SLC26A3: variants seen among roughly 807,000 people sequenced by gnomAD.
The protein encoded by SLC26A3 is chloride anion exchanger.
A neutral mutation model predicts 85.6 loss-of-function variants in SLC26A3; 64 were observed. The observed-to-expected ratio is 0.75, with a 90% CI of 0.61 to 0.92. SLC26A3 has a LOEUF of 0.92. SLC26A3 is among the 40% of genes least tolerant of loss of function. The pLI, the probability that SLC26A3 is intolerant of heterozygous loss-of-function variation, is 0.00. For missense variants in SLC26A3, 922 were observed against 927.3 expected, an observed-to-expected ratio of 0.99 and a Z score of 0.07; for synonymous variants, 349 against 336.0, an observed-to-expected ratio of 1.04 and a Z score of -0.42.
chr7:107,796,552 A>G (rs1377229165), intron 1 of SLC26A3, among the ~76,000 whole-genome samples: 1 of 152,138 alleles, frequency 6.6e-6, no homozygotes, highest in Non-Finnish European at 1.5e-5. Context: ...AGTACTTCCC[A>G]TTGTCAGAAG....
In SLC26A3 at chr7:107,765,707, C is replaced by A; in HGVS notation, c.*148G>T. ...TCATACTAGATATGTGAAAAATATG[C>A]CATGCTAGAACCATCTTGTTCCAAA... On this transcript the variant is annotated 3_prime_UTR_variant, in exon 21 of 21. Coordinates refer to ENST00000340010, the MANE Select transcript of SLC26A3 (RefSeq NM_000111.3). The A allele has an allele frequency of 1.8e-6, 1 of 562,436 alleles. No homozygotes were observed. Among genetic ancestry groups the A allele is most frequent in the Non-Finnish European group, 3.2e-6 (1 of 313,390 alleles). 34.8% of individuals were successfully genotyped at this position (562,436 alleles called of 1,614,324 possible). A position where few individuals can be genotyped will look rare whatever the true frequency, so the allele number is the denominator to read the frequency against.
At position 107,791,043 on chromosome 7, in the gene SLC26A3, C is replaced by G. The variant is rs1463373451; in HGVS notation, c.570+5G>C. ...GGTGGGCAAGTTACATGAGAAGGTG[C>G]TCACCTGGATGATTCCAGAAAGCAC... On this transcript the variant is annotated splice_donor_5th_base_variant and intron_variant, in intron 5 of 20. Coordinates refer to ENST00000340010, the MANE Select transcript of SLC26A3 (RefSeq NM_000111.3). 1 of 1,613,266 alleles carries G rather than the reference C, an allele frequency of 6.2e-7. No individual in the cohort carries two copies.
intron 18 of SLC26A3, 143 bp from the exon 19 acceptor site, chr7:107,768,051 A>G (rs1793945436): frequency 2.8e-6 from 2 of 720,490 alleles, no homozygotes; most frequent in Non-Finnish European, 2.4e-6. Context: ...GCAGTGGTAT[A>G]ATACCAGTCT....
intron 1 of SLC26A3, among the ~76,000 whole-genome samples, chr7:107,802,070 C>A (rs576305584): frequency 7.3e-6 from 1 of 137,728 alleles, no homozygotes. Flanking sequence ...CCAGCCTGGG[C>A]GACAGAGTGA....
At chr7:107,766,190 A>G (rs1055301243) in intron 20 of SLC26A3, among the ~76,000 whole-genome samples, 24 of 152,276 alleles carry the variant, frequency 1.6e-4, no homozygotes, top group African/African-American at 4.8e-4. Context: ...CTGGTGGCCT[A>G]TCCACAGCTG....
chr7:107,791,732 C>T (rs528039102), intron 4 of SLC26A3, 98 bp downstream of exon 4: 32 of 832,102 alleles, frequency 3.8e-5, no homozygotes, highest in African/African-American at 3.7e-4. Flanking sequence ...GACTCTTCTC[C>T]TGGATTATGT....
chr7:107,787,639 A>G, intron 6 of SLC26A3, 130 bp from the exon 7 acceptor site: 2 of 764,074 alleles, frequency 2.6e-6, no homozygotes, highest in Non-Finnish European at 4.3e-6. Context: ...GATTTCCTGT[A>G]TTGCCCCGGT....
chr7:107,778,359 A>AATTTTTTTT, intron 12 of SLC26A3, 78 bp from the exon 13 acceptor site: 5 of 453,056 alleles, frequency 1.1e-5, no homozygotes, highest in Non-Finnish European at 1.8e-5. Flanking sequence ...TTTTAAAAAG[A>AATTTTTTTT]CTTTTTTTTT....
At chr7:107,783,411 C>T (rs1241360719) in intron 8 of SLC26A3, 59 bp from the exon 9 acceptor site, 14 of 1,588,688 alleles carry the variant, frequency 8.8e-6, no homozygotes, top group African/African-American at 1.3e-5. Flanking sequence ...CTGATATAAC[C>T]ATTGGGCAAA....
chr7:107,776,600 AT>A, intron 14 of SLC26A3, 36 bp downstream of exon 14: 1 of 1,606,930 alleles, frequency 6.2e-7, no homozygotes, highest in Non-Finnish European at 8.5e-7. Context: ...AGTTAATATC[AT>A]TTAGCAAGTC....
chr7:107,773,247 A>AT (rs1289328319), intron 17 of SLC26A3, among the ~76,000 whole-genome samples: 1 of 152,060 alleles, frequency 6.6e-6, no homozygotes, highest in Non-Finnish European at 1.5e-5. Flanking sequence ...CCACTCTTAC[A>AT]TTTTTTCCCA....
chr7:107,787,020 C>G (rs771487614), intron 7 of SLC26A3, 111 bp from the exon 8 acceptor site: 2 of 911,314 alleles, frequency 2.2e-6, no homozygotes, highest in Non-Finnish European at 3.6e-6. Context: ...AGTAAGAACT[C>G]CAGCCCAGGC....
At chr7:107,796,441 C>T (rs759422603) in intron 1 of SLC26A3, among the ~76,000 whole-genome samples, 9 of 152,134 alleles carry the variant, frequency 5.9e-5, no homozygotes, top group Non-Finnish European at 1.3e-4. Context: ...TTCTGGGCCT[C>T]TCCTCCCCTG....
rs10271565 is a variant in SLC26A3, at chr7:107,790,968, G to C, written c.570+80C>G. 3 of 1,434,794 alleles carry C rather than the reference G, an allele frequency of 2.1e-6. No homozygotes were observed. In the African/African-American group the frequency reaches 4.2e-5, roughly 20 times the overall value. 88.9% of individuals were successfully genotyped at this position (1,434,794 alleles called of 1,614,324 possible). ...AAAGGGAAGATGGGGAGGAGTGGCA[G>C]GGGGGAGGAAAAATAGAGAGATGTG... is the stretch of plus-strand genomic sequence containing the variant. On this transcript the variant is annotated intron_variant, in intron 5 of 20. Coordinates refer to ENST00000340010, the MANE Select transcript of SLC26A3 (RefSeq NM_000111.3).
At chr7:107,786,736 G>A in intron 8 of SLC26A3, 91 bp downstream of exon 8, 2 of 1,056,568 alleles carry the variant, frequency 1.9e-6, no homozygotes, top group Admixed American at 3.4e-5. Context: ...TTACCTGCAG[G>A]CTGAACTGCA....
chr7:107,779,361 G>C (rs776425698), intron 12 of SLC26A3, among the ~76,000 whole-genome samples: 13 of 152,196 alleles, frequency 8.5e-5, no homozygotes, highest in Non-Finnish European at 1.6e-4. Flanking sequence ...CCTAAATTCA[G>C]AGAGTTTCTG....
intron 1 of SLC26A3, among the ~76,000 whole-genome samples, chr7:107,797,163 C>A (rs1013858024): frequency 1.3e-5 from 2 of 152,122 alleles, no homozygotes; most frequent in African/African-American, 4.8e-5. Flanking sequence ...GCACTGCCTG[C>A]AAGGGCCCTG....
chr7:107,778,340 G>A, intron 12 of SLC26A3, 59 bp from the exon 13 acceptor site: 1 of 904,598 alleles, frequency 1.1e-6, no homozygotes. Flanking sequence ...ACAATGTCGA[G>A]ACGGGGTCTT....
rs890759771 is a variant in SLC26A3, at chr7:107,794,630, C to G, written c.-88-33G>C. 1.2e-5 allele frequency: 13 copies of G among 1,059,904 alleles called. No homozygotes were observed. The African/African-American group carries it at 2.0e-4, about 17-fold the overall frequency. 65.7% of individuals were successfully genotyped at this position (1,059,904 alleles called of 1,614,324 possible). A position where few individuals can be genotyped will look rare whatever the true frequency, so the allele number is the denominator to read the frequency against. On this transcript the variant is annotated intron_variant, in intron 1 of 20. Transcript: ENST00000340010. ...CAAACAGAGCTTGCTTCTTAAATAACTCAGAGATAATGTGATGCAATTTAC... is the reference window on the plus strand; with the variant it reads ...CAAACAGAGCTTGCTTCTTAAATAAGTCAGAGATAATGTGATGCAATTTAC...
Sources: gnomAD v4.1 joint callset for allele counts (sites outside exome capture counted in the v4.1 genomes callset) on GRCh38, gnomAD v4.1.1 for gene constraint, MANE v1.5 for transcripts, NCBI Gene and HGNC (gene_info 2026-07-23, HGNC 2026-07-21) for gene names.